The following LAMB4 variants were observed in gnomAD, a reference collection of about 807,000 sequenced individuals.
LAMB4 encodes the protein laminin subunit beta-4.
Under a neutral mutation model 199.2 loss-of-function variants are expected in LAMB4, and 196 were observed. The ratio of observed to expected loss-of-function variants is 0.98; its 90% CI spans 0.88 to 1.11. The LOEUF is 1.11. Among genes scored for constraint, LAMB4 ranks in the 50% least tolerant of loss-of-function variants. The pLI, the probability that LAMB4 is intolerant of heterozygous loss-of-function variation, is 0.00. For missense variants in LAMB4, 2,080 were observed against 2,171.2 expected, an observed-to-expected ratio of 0.96 and a Z score of 0.83; for synonymous variants, 744 against 770.6, an observed-to-expected ratio of 0.97 and a Z score of 0.57.
Position 108,063,969 on chromosome 7 carries a change from T to C in LAMB4, c.2853A>G (p.Glu951=). 5 of 1,613,756 alleles carry C rather than the reference T, an allele frequency of 3.1e-6. No individual in the cohort carries two copies. Among genetic ancestry groups the C allele is most frequent in the Non-Finnish European group, 4.2e-6 (5 of 1,179,678 alleles). Residue 951 remains glutamate, a synonymous_variant, in exon 22 of 34, where the codon GAA becomes GAG. Transcript: ENST00000388781. ...LQGYTGTQCG[E]CSTGFYGNPR... is the part of the protein sequence containing the mutation. ...GATTTCCATAGAAACCAGTAGAGCA[T>C]TCTCCACACTGAGTACCTGAAAGAA...
intron 25 of LAMB4, 38 bp from the exon 26 acceptor site, chr7:108,052,295 A>T (rs747911326): frequency 6.9e-7 from 1 of 1,456,846 alleles, no homozygotes; most frequent in Non-Finnish European, 9.2e-7. Context: ...TTAAGCTTGT[A>T]TTACATTTGA....
chr7:108,087,986 A>G (rs2037248975), intron 14 of LAMB4, among the ~76,000 whole-genome samples: 1 of 152,206 alleles, frequency 6.6e-6, no homozygotes, highest in Non-Finnish European at 1.5e-5. Context: ...TCATTACCAT[A>G]TCATTCATTT....
intron 15 of LAMB4, 75 bp from the exon 16 acceptor site, chr7:108,078,391 A>G (rs2036789917): frequency 1.1e-6 from 1 of 915,400 alleles, no homozygotes; most frequent in Non-Finnish European, 1.7e-6. Flanking sequence ...ACATATAGCT[A>G]ATGGAAAGTG....
chr7:108,115,866 G>T, intron 3 of LAMB4, 138 bp downstream of exon 3: 1 of 906,762 alleles, frequency 1.1e-6, no homozygotes, highest in East Asian at 2.6e-5. Flanking sequence ...TGGATACTGA[G>T]GGACAACTGC....
At chr7:108,126,470 T>C (rs1056332255) in intron 1 of LAMB4, among the ~76,000 whole-genome samples, 1 of 152,090 alleles carries the variant, frequency 6.6e-6, no homozygotes, top group Admixed American at 6.5e-5. Flanking sequence ...CGCACAATAT[T>C]TGTCTTTTTT....
chr7:108,033,598 G>A (rs932815916), intron 31 of LAMB4, among the ~76,000 whole-genome samples: 4 of 151,906 alleles, frequency 2.6e-5, no homozygotes, highest in Non-Finnish European at 5.9e-5. Flanking sequence ...TCATAGAGAC[G>A]GGGTTTCACC....
At chr7:108,028,125 C>T (rs1294162640) in intron 33 of LAMB4, among the ~76,000 whole-genome samples, 1 of 152,084 alleles carries the variant, frequency 6.6e-6, no homozygotes, top group African/African-American at 2.4e-5. Flanking sequence ...TCAGAATGTC[C>T]ATTTAGATCA....
At chr7:108,038,362 C>T (rs1220052909) in intron 29 of LAMB4, among the ~76,000 whole-genome samples, 1 of 152,104 alleles carries the variant, frequency 6.6e-6, no homozygotes, top group African/African-American at 2.4e-5. Flanking sequence ...GGGGTTTCAC[C>T]ATGTTGGCCA....
chr7:108,024,254 A>T (rs908128939), intron 33 of LAMB4, 76 bp from the exon 34 acceptor site: 2 of 775,310 alleles, frequency 2.6e-6, no homozygotes, highest in East Asian at 3.0e-5. Context: ...TATACCAAAC[A>T]CAGGGATTTA....
chr7:108,119,526 T>C (rs2038526659), intron 2 of LAMB4, among the ~76,000 whole-genome samples: 1 of 152,196 alleles, frequency 6.6e-6, no homozygotes, highest in Admixed American at 6.5e-5. Context: ...GGTTATGTAC[T>C]GCATAATTCT....
At chr7:108,069,908 C>T (rs1333044863) in intron 17 of LAMB4, 23 bp from the exon 18 acceptor site, 2 of 1,592,882 alleles carry the variant, frequency 1.3e-6, no homozygotes, top group East Asian at 2.2e-5. Flanking sequence ...TGCAAAAAGA[C>T]TTAACATTCA....
In LAMB4 at chr7:108,111,882, C is replaced by T. The variant is rs746413105; in HGVS notation, c.257G>A (p.Ser86Asn). The T allele has an allele frequency of 6.2e-7, 1 of 1,612,180 alleles. No individual in the cohort carries two copies. Among genetic ancestry groups the T allele is most frequent in the South Asian group, 1.1e-5 (1 of 90,660 alleles). ...TACAATGACATTCTCAATGGTGTGG[C>T]TGTTGGGTTGGTCATACGGATCATA... The part of the protein sequence containing the change: ...FPYDPYDQPN[S>N]HTIENVIVSF... The change falls in exon 4 of 34, where the codon AGC (serine) becomes AAC (asparagine). Residue 86 changes from serine (S) to asparagine (N), a missense_variant. Ser to Asn is a conservative substitution (Grantham distance 46, BLOSUM62 1). Transcript: ENST00000388781.
At chr7:108,045,275 T>C (rs955329182) in intron 28 of LAMB4, among the ~76,000 whole-genome samples, 1 of 152,136 alleles carries the variant, frequency 6.6e-6, no homozygotes, top group African/African-American at 2.4e-5. Flanking sequence ...AGAGGAAATC[T>C]CAGGCTAGAT....
At chr7:108,060,408 G>A (rs1408612555) in intron 23 of LAMB4, among the ~76,000 whole-genome samples, 1 of 152,064 alleles carries the variant, frequency 6.6e-6, no homozygotes, top group Non-Finnish European at 1.5e-5. Context: ...CATGGTTGGT[G>A]GCTGCAGGTG....
the LAMB4 span, among the ~76,000 whole-genome samples, chr7:108,013,341 C>T: frequency 1.3e-5 from 2 of 152,164 alleles, no homozygotes; most frequent in East Asian, 1.9e-4. Flanking sequence ...TGTCTAGTCA[C>T]GGTGAGCCAC....
At chr7:108,016,642 C>T in the LAMB4 span, among the ~76,000 whole-genome samples, 37 of 152,256 alleles carry the variant, frequency 2.4e-4, no homozygotes, top group African/African-American at 8.4e-4. Flanking sequence ...TGAGAAAAAT[C>T]ATATGTGAGA....
At chr7:108,123,024 A>G (rs1584796742) in intron 2 of LAMB4, 107 bp downstream of exon 2, 1 of 915,308 alleles carries the variant, frequency 1.1e-6, no homozygotes, top group East Asian at 2.7e-5. Flanking sequence ...TAGCTACATA[A>G]GCATACAGCA....
At chr7:108,044,789 C>T (rs539655074) in intron 28 of LAMB4, among the ~76,000 whole-genome samples, 7 of 151,956 alleles carry the variant, frequency 4.6e-5, no homozygotes, top group Admixed American at 1.3e-4. Context: ...CCCATCTCTA[C>T]TAAAAATGCC....
chr7:108,030,047 G>A (rs1201993441), intron 32 of LAMB4, among the ~76,000 whole-genome samples: 1 of 151,554 alleles, frequency 6.6e-6, no homozygotes. Flanking sequence ...GAACCAGGGG[G>A]TCAGAAGTTG....
Sources: allele counts gnomAD v4.1 joint callset (sites outside exome capture counted in the v4.1 genomes callset), GRCh38; gene constraint gnomAD v4.1.1; transcripts MANE v1.5; gene names NCBI Gene and HGNC (gene_info 2026-07-23, HGNC 2026-07-21).